The following TRIM37 variants were observed in gnomAD, a reference collection of about 807,000 sequenced individuals.
The protein encoded by TRIM37 is E3 ubiquitin-protein ligase TRIM37.
In TRIM37, 80 loss-of-function variants were observed where a neutral mutation model predicts 129.8. The ratio of observed to expected loss-of-function variants is 0.62; its 90% CI spans 0.51 to 0.74. The LOEUF (loss-of-function observed/expected upper bound fraction) is 0.74, where lower values mean the gene tolerates loss of function less well. Ranked by LOEUF, TRIM37 falls within the 30% of genes least tolerant of loss-of-function variation. The probability of loss-of-function intolerance (pLI) is 0.00; values close to 1 mark genes in which losing one functional copy is unlikely to be tolerated. For synonymous variants in TRIM37, 389 were observed against 387.1 expected, an observed-to-expected ratio of 1.00 and a Z score of -0.06; for missense variants, 1,054 against 1,176.5, an observed-to-expected ratio of 0.90 and a Z score of 1.52.
the TRIM37 span, chr17:58,972,996 C>T: frequency 9.8e-7 from 1 of 1,016,202 alleles, no homozygotes. Flanking sequence ...AACTCTGATA[C>T]AGGGAACCTG....
chr17:59,031,402 A>G (rs2037828055), intron 18 of TRIM37, among the ~76,000 whole-genome samples: 1 of 152,234 alleles, frequency 6.6e-6, no homozygotes, highest in Non-Finnish European at 1.5e-5. Context: ...TTGACTATAC[A>G]AATCTCCATT....
At chr17:59,089,152 G>T (rs2147235489) in intron 3 of TRIM37, among the ~76,000 whole-genome samples, 1 of 152,238 alleles carries the variant, frequency 6.6e-6, no homozygotes, top group South Asian at 2.1e-4. Flanking sequence ...TACCCATGAA[G>T]CTGAGGTAGG....
downstream of TRIM37, chr17:58,980,713 AG>A: frequency 6.2e-7 from 1 of 1,614,236 alleles, no homozygotes; most frequent in Non-Finnish European, 8.5e-7. The surrounding 1 kb of genome is among the most constrained non-coding windows in gnomAD (Gnocchi z 4.7). Flanking sequence ...CTGTCTGTTC[AG>A]GGTTGGAAAA....
chr17:59,035,657 G>A (rs2038382511), intron 17 of TRIM37, among the ~76,000 whole-genome samples: 1 of 151,970 alleles, frequency 6.6e-6, no homozygotes. Context: ...GGCTGAGGCA[G>A]AATTGCTTGA....
At chr17:58,995,962 C>T (rs998589707), downstream of TRIM37, among the ~76,000 whole-genome samples, 6 of 151,680 alleles carry the variant, frequency 4.0e-5, no homozygotes, top group African/African-American at 1.5e-4. Flanking sequence ...GCCAACATCG[C>T]ACCACTACAG....
chr17:59,058,288 C>T (rs998929335), intron 12 of TRIM37, among the ~76,000 whole-genome samples: 1 of 152,066 alleles, frequency 6.6e-6, no homozygotes, highest in Non-Finnish European at 1.5e-5. Context: ...GAACAGAAAA[C>T]CAAATACCAC....
intron 1 of TRIM37, 110 bp from the exon 2 acceptor site, chr17:59,104,504 A>T (rs776442789): frequency 1.1e-6 from 1 of 936,088 alleles, no homozygotes; most frequent in African/African-American, 1.6e-5. Context: ...TGATCTCTCA[A>T]TTTTAACTAT....
chr17:59,042,305 G>A (rs2039256428), intron 16 of TRIM37, among the ~76,000 whole-genome samples: 1 of 148,994 alleles, frequency 6.7e-6, no homozygotes, highest in Non-Finnish European at 1.5e-5. Context: ...GAACCCAGGA[G>A]GCAAGCTTGC....
intron 15 of TRIM37, 31 bp from the exon 16 acceptor site, chr17:59,047,850 A>G: frequency 6.2e-7 from 1 of 1,612,732 alleles, no homozygotes; most frequent in Admixed American, 1.7e-5. Flanking sequence ...CAAGACGTCT[A>G]TTCCAAATGT....
chr17:59,056,390 T>C (rs2040870482), intron 13 of TRIM37, among the ~76,000 whole-genome samples: 2 of 152,100 alleles, frequency 1.3e-5, no homozygotes, highest in African/African-American at 2.4e-5. Flanking sequence ...TTTGACTTTT[T>C]GACTACAAAT....
In TRIM37 at chr17:58,999,299, T is replaced by G; in HGVS notation, c.*78A>C. ...ATAAGACCAAATCTGATTATCTGAC[T>G]GATGACAAATTTGAGCACCAACTAC... On this transcript the variant is annotated 3_prime_UTR_variant, in exon 24 of 24. Coordinates refer to ENST00000262294, the MANE Select transcript of TRIM37 (RefSeq NM_015294.6). The G allele has an allele frequency of 6.2e-7, 1 of 1,610,858 alleles. No homozygotes were observed. Among genetic ancestry groups the G allele is most frequent in the South Asian group, 1.1e-5 (1 of 90,498 alleles).
chr17:58,968,004 A>G, the TRIM37 span, among the ~76,000 whole-genome samples: 1 of 151,994 alleles, frequency 6.6e-6, no homozygotes, highest in Non-Finnish European at 1.5e-5. Flanking sequence ...GGGTTTCACC[A>G]TGTTGGCCAG....
rs1350701428 is a variant in TRIM37, at chr17:59,015,890, G to A, written c.2387-91C>T. The A allele has an allele frequency of 4.6e-6, 6 of 1,293,662 alleles. No homozygotes were observed. In the African/African-American group the frequency reaches 7.3e-5, roughly 16 times the overall value. The allele number at this position is 1,293,662 out of a possible 1,614,324, so 80.1% of individuals were successfully genotyped here. On this transcript the variant is annotated intron_variant, in intron 20 of 23. Transcript: ENST00000262294. ...GCTACTTGGGAGGTTGAAACACAAGGATCACTTGAACCTGGGAGGCGGAGG... is the reference window on the plus strand; with the variant it reads ...GCTACTTGGGAGGTTGAAACACAAGAATCACTTGAACCTGGGAGGCGGAGG...
chr17:59,099,665 G>T (rs898434083), intron 2 of TRIM37, among the ~76,000 whole-genome samples: 1 of 152,058 alleles, frequency 6.6e-6, no homozygotes, highest in African/African-American at 2.4e-5. Flanking sequence ...CTAAAACAAG[G>T]AGATACCTGT....
chr17:58,990,313 A>T (rs2144089693), intron 24 of TRIM37, among the ~76,000 whole-genome samples: 1 of 151,910 alleles, frequency 6.6e-6, no homozygotes, highest in East Asian at 1.9e-4. Context: ...AAACATGGAG[A>T]AACCCTATCT....
intron 23 of TRIM37, among the ~76,000 whole-genome samples, chr17:59,000,473 T>C (rs1408605629): frequency 1.3e-5 from 2 of 152,042 alleles, no homozygotes; most frequent in Non-Finnish European, 2.9e-5. Context: ...TGGTGGCACA[T>C]GCCTGTAGTC....
chr17:58,979,033 C>A (rs934703481), downstream of TRIM37, among the ~76,000 whole-genome samples: 1 of 152,142 alleles, frequency 6.6e-6, no homozygotes, highest in African/African-American at 2.4e-5. Context: ...GAGGCAACTT[C>A]TCTGCCTGGT....
the TRIM37 span, chr17:58,972,952 CA>C: frequency 2.9e-5 from 45 of 1,536,850 alleles, no homozygotes; most frequent in Non-Finnish European, 4.0e-5. Context: ...TTTGTTTCTC[CA>C]AACTGTCCTC....
chr17:59,054,026 C>T (rs1422159090), intron 13 of TRIM37, among the ~76,000 whole-genome samples: 2 of 152,150 alleles, frequency 1.3e-5, no homozygotes, highest in Admixed American at 6.5e-5. Context: ...AGAAAAGCTA[C>T]GGAAAACACA....
Sources: gnomAD v4.1 joint callset for allele counts (sites outside exome capture counted in the v4.1 genomes callset) on GRCh38, gnomAD v4.1.1 for gene constraint, Gnocchi (gnomAD v3.1) non-coding constraint, MANE v1.5 for transcripts, NCBI Gene and HGNC (gene_info 2026-07-23, HGNC 2026-07-21) for gene names.